Variants in MICAL2 observed in about 807,000 individuals in gnomAD.
The protein encoded by MICAL2 is [F-actin]-monooxygenase MICAL2.
MICAL2 carries 77 observed loss-of-function variants against 127.3 expected under a neutral mutation model. That is an observed-to-expected ratio of 0.60 (90% CI 0.50 to 0.73). The LOEUF (loss-of-function observed/expected upper bound fraction) is 0.73, where lower values mean the gene tolerates loss of function less well. Among genes scored for constraint, MICAL2 ranks in the 30% least tolerant of loss-of-function variants. MICAL2 has a pLI of 0.00. For missense variants in MICAL2, 1,351 were observed against 1,434.4 expected, an observed-to-expected ratio of 0.94 and a Z score of 0.94; for synonymous variants, 570 against 551.1, an observed-to-expected ratio of 1.03 and a Z score of -0.48.
chr11:12,319,830 CCAAAGA>C (rs1234511595), intron 30 of MICAL2: 2 of 1,585,022 alleles, frequency 1.3e-6, no homozygotes, highest in African/African-American at 2.7e-5. Context: ...ACTTGACCAG[CCAAAGA>C]GGGCCTTGGC....
intron 1 of MICAL2, among the ~76,000 whole-genome samples, chr11:12,131,402 C>G (rs145443714): frequency 7.2e-4 from 110 of 152,254 alleles, no homozygotes; most frequent in Non-Finnish European, 1.2e-3. Context: ...TTCTCATCCT[C>G]CAAGCTGGCT....
At chr11:12,248,518 T>G (rs1452877708) in intron 21 of MICAL2, among the ~76,000 whole-genome samples, 1 of 152,228 alleles carries the variant, frequency 6.6e-6, no homozygotes, top group Non-Finnish European at 1.5e-5. Flanking sequence ...AAGAAGGCAC[T>G]GAGCGTTTGC....
chr11:12,213,289 G>A lies in MICAL2; in HGVS notation c.726G>A (p.Ala242=), dbSNP rs1565174341. The A allele has an allele frequency of 3.1e-6, 5 of 1,613,032 alleles. No individual in the cohort carries two copies. Among genetic ancestry groups the A allele is most frequent in the Admixed American group, 1.7e-5 (1 of 59,982 alleles). ...FRRKEFRGKL[A]IAITANFINR... is the part of the protein sequence containing the mutation. ...GAAAAGAATTCCGTGGGAAGCTGGCGATTGCCATCACCGCCAACTTCATAA... is the reference window on the plus strand; with the variant it reads ...GAAAAGAATTCCGTGGGAAGCTGGCAATTGCCATCACCGCCAACTTCATAA... The change falls in exon 7 of 28, where the codon GCG becomes GCA. Residue 242 remains alanine, a synonymous_variant. Coordinates refer to ENST00000683283, the MANE Select transcript of MICAL2 (RefSeq NM_001282663.2).
In MICAL2 at chr11:12,330,822, G is replaced by GA. The variant is rs1555022632; in HGVS notation, c.5515+3556_5515+3557insA. 5.6e-3 allele frequency among the ~76,000 whole-genome samples: 722 copies of GA among 129,590 alleles called. 32 individuals are homozygous for GA. Among genetic ancestry groups the GA allele is most frequent in the Non-Finnish European group, 6.1e-3 (369 of 60,548 alleles). The allele number at this position is 129,590 out of a possible 152,430, so 85.0% of individuals were successfully genotyped here. ...GAGAGAGACAGAGAGAGAGAGAGAG[G>GA]GAGAGACAGACAGAGAGAGAGAGAG... is the stretch of plus-strand genomic sequence containing the variant. On this transcript the variant is annotated intron_variant, in intron 32 of 34. Transcript: ENST00000646065.
intron 2 of MICAL2, among the ~76,000 whole-genome samples, chr11:12,158,134 T>C (rs1733773802): frequency 6.6e-6 from 1 of 152,082 alleles, no homozygotes; most frequent in Non-Finnish European, 1.5e-5. Flanking sequence ...TGGAGTCTTC[T>C]GGATTTTGGA....
At chr11:12,115,391 CCCTT>C (rs2133425839) in intron 1 of MICAL2, among the ~76,000 whole-genome samples, 1 of 152,278 alleles carries the variant, frequency 6.6e-6, no homozygotes, top group African/African-American at 2.4e-5. Context: ...CCAGTAATGG[CCCTT>C]CCCTGCGAAC....
downstream of MICAL2, among the ~76,000 whole-genome samples, chr11:12,293,372 G>A (rs1274998263): frequency 6.6e-6 from 1 of 152,026 alleles, no homozygotes; most frequent in Non-Finnish European, 1.5e-5. Context: ...ATCCTGGCAG[G>A]ACCCAAGGCA....
chr11:12,278,442 G>A (rs1590718639), intron 1 of MICAL2, among the ~76,000 whole-genome samples: 1 of 152,136 alleles, frequency 6.6e-6, no homozygotes, highest in Non-Finnish European at 1.5e-5. Flanking sequence ...CAAGGGCTGC[G>A]GCGTAAATAG....
chr11:12,110,994 G>GCAACCC lies in MICAL2; in HGVS notation c.-149+269_-149+270insAACCCC, dbSNP rs1564965505. On this transcript the variant is annotated intron_variant, in intron 1 of 27. Transcript: ENST00000683283. This position sits in a 1 kb window ranked among gnomAD's most constrained non-coding sequence, Gnocchi z 4.5. ...GGCACGCCGAACTACCTCTTACTCC[G>GCAACCC]CTCCGCAACACCCAAACCCTGCAGT... Among the ~76,000 whole-genome samples, 3 of 152,126 alleles carry GCAACCC rather than the reference G, an allele frequency of 2.0e-5. No individual in the cohort carries two copies. The highest frequency in any genetic ancestry group is 4.4e-5 in the Non-Finnish European group (3 of 68,012).
intron 1 of MICAL2, among the ~76,000 whole-genome samples, chr11:12,134,384 A>G (rs983492600): frequency 6.6e-6 from 1 of 152,112 alleles, no homozygotes; most frequent in Non-Finnish European, 1.5e-5. Flanking sequence ...CATAATGGGC[A>G]TGGCTCCGGG....
intron 3 of MICAL2, among the ~76,000 whole-genome samples, chr11:12,201,738 A>T (rs920071917): frequency 1.3e-5 from 2 of 152,174 alleles, no homozygotes; most frequent in African/African-American, 4.8e-5. Context: ...CGAGCGTGGG[A>T]CTTGTACAGA....
At chr11:12,209,713 T>G in intron 6 of MICAL2, 115 bp downstream of exon 6, 1 of 924,358 alleles carries the variant, frequency 1.1e-6, no homozygotes, top group Non-Finnish European at 1.7e-6. Flanking sequence ...ATGGAGGTTT[T>G]GATAGGAGGG....
chr11:12,210,515 C>A (rs1175769877), intron 6 of MICAL2, among the ~76,000 whole-genome samples: 2 of 152,192 alleles, frequency 1.3e-5, no homozygotes, highest in Non-Finnish European at 2.9e-5. Flanking sequence ...AGGACCTTCC[C>A]ATCTGCCACA....
chr11:12,214,964 T>C (rs1855960124), intron 7 of MICAL2, among the ~76,000 whole-genome samples: 1 of 152,234 alleles, frequency 6.6e-6, no homozygotes, highest in Non-Finnish European at 1.5e-5. Flanking sequence ...TTGAGCAAGA[T>C]TGTACTTCTC....
chr11:12,114,974 T>C (rs576915266), intron 1 of MICAL2, among the ~76,000 whole-genome samples: 64 of 152,238 alleles, frequency 4.2e-4, no homozygotes, highest in Non-Finnish European at 7.9e-4. Flanking sequence ...GGAATGACCA[T>C]GTTATGACCC....
chr11:12,352,933 C>A (rs562651152), intron 33 of MICAL2, among the ~76,000 whole-genome samples: 145 of 152,322 alleles, frequency 9.5e-4, no homozygotes, highest in African/African-American at 3.4e-3. Context: ...GGGGCAACTG[C>A]AGCACCTCCT....
rs555210447 is a variant in MICAL2, at chr11:12,256,832, G to A, written c.3003G>A (p.Thr1001=). The A allele has an allele frequency of 3.5e-5, 57 of 1,614,042 alleles. No homozygotes were observed. The highest frequency in any genetic ancestry group is 3.3e-4 in the African/African-American group (25 of 75,070). ...CCCTTAACCTGGGAGGCAGCGACAC[G>A]TGTTACTTCTGTAAGAAACGTGTGT... ...SFPLNLGGSD[T]CYFCKKRVYV... is the part of the protein sequence containing the mutation. Residue 1001 remains threonine, a synonymous_variant, in exon 24 of 28, where the codon ACG becomes ACA. Transcript: ENST00000683283.
chr11:12,197,791 C>G (rs1244729487), intron 3 of MICAL2: 1 of 152,210 alleles, frequency 6.6e-6, no homozygotes, highest in Non-Finnish European at 1.5e-5. Context: ...GACCCTGCAG[C>G]TACTGGTTAC....
At chr11:12,165,531 T>A (rs984589017) in intron 3 of MICAL2, among the ~76,000 whole-genome samples, 2 of 152,244 alleles carry the variant, frequency 1.3e-5, no homozygotes, top group Admixed American at 6.5e-5. Context: ...AAAGCCAAGC[T>A]CCTGGTTAGC....
Sources: gnomAD v4.1 joint callset for allele counts (sites outside exome capture counted in the v4.1 genomes callset) on GRCh38, gnomAD v4.1.1 for gene constraint, Gnocchi (gnomAD v3.1) non-coding constraint, MANE v1.5 for transcripts, NCBI Gene and HGNC (gene_info 2026-07-23, HGNC 2026-07-21) for gene names.